The following CHMP1A variants were observed in gnomAD, a reference collection of about 807,000 sequenced individuals.
The protein encoded by CHMP1A is VPS46 homolog A.
CHMP1A carries 17 observed loss-of-function variants against 27.0 expected under a neutral mutation model. That is an observed-to-expected ratio of 0.63 (90% CI 0.43 to 0.95). CHMP1A has a LOEUF of 0.95. CHMP1A is among the 40% of genes least tolerant of loss of function. CHMP1A has a pLI of 0.00. For synonymous variants in CHMP1A, 131 were observed against 107.5 expected, an observed-to-expected ratio of 1.22 and a Z score of -1.35; for missense variants, 275 against 264.0, an observed-to-expected ratio of 1.04 and a Z score of -0.29.
intron 4 of CHMP1A, among the ~76,000 whole-genome samples, chr16:89,648,466 C>T (rs4968050): frequency 0.29 from 14,602 of 50,914 alleles, 5,484 homozygotes; most frequent in Admixed American, 0.48. Flanking sequence ...ACTGCTGTGC[C>T]CTCCTGGCCC....
intron 1 of CHMP1A, among the ~76,000 whole-genome samples, chr16:89,657,263 G>A (rs1220011405): frequency 1.5e-4 from 22 of 149,814 alleles, no homozygotes; most frequent in Admixed American, 1.4e-3. Context: ...GGGAAAAGGG[G>A]TCCCGGGTTG....
At chr16:89,653,964 TG>T in intron 1 of CHMP1A, 41 bp from the exon 2 acceptor site, 1 of 1,608,042 alleles carries the variant, frequency 6.2e-7, no homozygotes, top group East Asian at 2.2e-5. Context: ...GGATTGGGAA[TG>T]GGACGTTACA....
In CHMP1A at chr16:89,647,184, A is replaced by C; in HGVS notation, c.381+19T>G. 6.2e-7 allele frequency: 1 copy of C among 1,606,474 alleles called. No individual in the cohort carries two copies. Among genetic ancestry groups the C allele is most frequent in the South Asian group, 1.1e-5 (1 of 89,406 alleles). On this transcript the variant is annotated intron_variant, in intron 5 of 6. Coordinates refer to ENST00000397901, the MANE Select transcript of CHMP1A (RefSeq NM_002768.5). ...CTCCTTGTCCCCAGGCCACAGCCCCAAGGGTAGGGGCCACATACCGATGTA... is the reference window on the plus strand; with the variant it reads ...CTCCTTGTCCCCAGGCCACAGCCCCCAGGGTAGGGGCCACATACCGATGTA...
intron 2 of CHMP1A, among the ~76,000 whole-genome samples, chr16:89,653,292 AGCCACCGC>A (rs1361221107): frequency 1.4e-5 from 2 of 139,618 alleles, no homozygotes; most frequent in African/African-American, 5.1e-5. Context: ...TACAGGCGTG[AGCCACCGC>A]GCCTGGCCCC....
intron 4 of CHMP1A, 60 bp downstream of exon 4, chr16:89,649,291 A>C: frequency 1.9e-6 from 3 of 1,586,508 alleles, no homozygotes; most frequent in Non-Finnish European, 2.6e-6. Flanking sequence ...CAGACCGCAG[A>C]GCCCATTCCT....
chr16:89,651,365 C>T (rs575212992), intron 3 of CHMP1A, among the ~76,000 whole-genome samples: 6 of 143,422 alleles, frequency 4.2e-5, no homozygotes, highest in Non-Finnish European at 6.0e-5. Context: ...AGCAAGACTC[C>T]GTCTCAAAAA....
chr16:89,650,831 G>C (rs953128568), intron 3 of CHMP1A, among the ~76,000 whole-genome samples: 2 of 151,338 alleles, frequency 1.3e-5, no homozygotes, highest in African/African-American at 4.9e-5. Context: ...GATCGTGGCA[G>C]ACAGCTAGCT....
intron 2 of CHMP1A, among the ~76,000 whole-genome samples, chr16:89,652,695 G>A (rs554147960): frequency 1.3e-5 from 2 of 152,170 alleles, no homozygotes; most frequent in Non-Finnish European, 2.9e-5. Context: ...GGCCTCAGCC[G>A]GTCCCCTCTG....
chr16:89,657,598 G>T lies in CHMP1A; in HGVS notation c.-10C>A. ...ACCTCTTACCGTCCATGGCCACAAT[G>T]ACAGGAGCAGCACTCGGAGAGGGAG... On this transcript the variant is annotated 5_prime_UTR_variant, in exon 1 of 7. Coordinates refer to ENST00000397901, the MANE Select transcript of CHMP1A (RefSeq NM_002768.5). 1 of 1,611,288 alleles carries T rather than the reference G, an allele frequency of 6.2e-7. No individual in the cohort carries two copies. Among genetic ancestry groups the T allele is most frequent in the Middle Eastern group, 1.7e-4 (1 of 6,058 alleles).
chr16:89,650,375 C>A (rs2059814394), intron 3 of CHMP1A, among the ~76,000 whole-genome samples: 1 of 152,156 alleles, frequency 6.6e-6, no homozygotes, highest in South Asian at 2.1e-4. Context: ...CCCTGTCCAT[C>A]ATGGGGAGGG....
At chr16:89,650,388 C>T (rs1336385670) in intron 3 of CHMP1A, among the ~76,000 whole-genome samples, 3 of 152,164 alleles carry the variant, frequency 2.0e-5, no homozygotes, top group Non-Finnish European at 4.4e-5. Flanking sequence ...GGGGAGGGGA[C>T]CCCTCCTGGA....
chr16:89,650,994 C>A (rs541665975), intron 3 of CHMP1A, among the ~76,000 whole-genome samples: 1 of 152,276 alleles, frequency 6.6e-6, no homozygotes, highest in East Asian at 1.9e-4. Context: ...GGGACAGAAA[C>A]CATTCTGGGC....
chr16:89,654,017 G>A (rs1472078792), intron 1 of CHMP1A, 94 bp from the exon 2 acceptor site: 34 of 1,342,292 alleles, frequency 2.5e-5, no homozygotes, highest in Non-Finnish European at 3.4e-5. Context: ...CTAGACACCA[G>A]GAGCTAGAAC....
chr16:89,652,245 C>T lies in CHMP1A; in HGVS notation c.28-599G>A, dbSNP rs2059830446. ...GCAACCCACCCGGAACCACAGACGC[C>T]CTGGTACCAGGTAGCCCTGGCCACC... On this transcript the variant is annotated intron_variant, in intron 2 of 6. Transcript: ENST00000397901. Among the ~76,000 whole-genome samples the T allele has an allele frequency of 2.6e-5, 4 of 152,202 alleles. No individual in the cohort carries two copies. The South Asian group carries it at 8.3e-4, about 32-fold the overall frequency.
chr16:89,657,643 C>G lies in CHMP1A; in HGVS notation c.-55G>C, dbSNP rs2059896794. The G allele has an allele frequency of 6.2e-7, 1 of 1,606,426 alleles. No homozygotes were observed. The highest frequency in any genetic ancestry group is 1.7e-5 in the Admixed American group (1 of 59,666). On this transcript the variant is annotated 5_prime_UTR_variant, in exon 1 of 7. Transcript: ENST00000397901. ...AGGGAGAAGGGACGCCAACTCCGGGCGGTGTCAGGTCCCGGCGGCGATCGA... is the reference window on the plus strand; with the variant it reads ...AGGGAGAAGGGACGCCAACTCCGGGGGGTGTCAGGTCCCGGCGGCGATCGA...
chr16:89,649,778 G>A (rs989513624), intron 3 of CHMP1A, among the ~76,000 whole-genome samples: 3 of 152,146 alleles, frequency 2.0e-5, no homozygotes, highest in Admixed American at 6.5e-5. Context: ...GGGTTTCACC[G>A]TGTTAGCCAG....
rs2059770872 is a variant in CHMP1A at position 89,646,030 on chromosome 16, C to A, written c.*36G>T. ...AGAGGACAGGAGCCTTCCAGCACAT[C>A]ACGGGGCAGAGGCGGTGCACACCGG... On this transcript the variant is annotated 3_prime_UTR_variant, in exon 7 of 7. Transcript: ENST00000397901. 1 of 1,602,128 alleles carries A rather than the reference C, an allele frequency of 6.2e-7. No homozygotes were observed. The highest frequency in any genetic ancestry group is 1.1e-5 in the South Asian group (1 of 89,350).
At chr16:89,646,783 G>T (rs1221222365) in intron 5 of CHMP1A, 69 bp from the exon 6 acceptor site, 2 of 1,497,740 alleles carry the variant, frequency 1.3e-6, no homozygotes, top group South Asian at 1.2e-5. Flanking sequence ...AGCTTCACAA[G>T]GGTACGACTG....
intron 3 of CHMP1A, among the ~76,000 whole-genome samples, chr16:89,650,160 C>A (rs1371508874): frequency 2.0e-5 from 3 of 152,158 alleles, no homozygotes. Context: ...AAGAGCTGCA[C>A]AAGATCCTAC....
Sources: gnomAD v4.1 joint callset for allele counts (sites outside exome capture counted in the v4.1 genomes callset) on GRCh38, gnomAD v4.1.1 for gene constraint, MANE v1.5 for transcripts, NCBI Gene and HGNC (gene_info 2026-07-23, HGNC 2026-07-21) for gene names.